UBE3C: variants seen among roughly 807,000 people sequenced by gnomAD.
The protein encoded by UBE3C is ubiquitin-protein ligase E3C.
Under a neutral mutation model 129.4 loss-of-function variants are expected in UBE3C, and 42 were observed. The observed-to-expected ratio is 0.32, with a 90% CI of 0.25 to 0.42. The LOEUF (loss-of-function observed/expected upper bound fraction) is 0.42. Ranked by LOEUF, UBE3C falls within the 10% of genes least tolerant of loss-of-function variation. The pLI, the probability that UBE3C is intolerant of heterozygous loss-of-function variation, is 1.00. For synonymous variants in UBE3C, 510 were observed against 492.4 expected (o/e 1.04, Z -0.47); for missense variants, 1,049 against 1,319.1 (o/e 0.80, Z 3.17).
chr7:157,209,328 A>G (rs1420083420), intron 13 of UBE3C, among the ~76,000 whole-genome samples: 1 of 152,230 alleles, frequency 6.6e-6, no homozygotes, highest in African/African-American at 2.4e-5. Context: ...ATACAGTCCT[A>G]ATGCATCGTT....
intron 1 of UBE3C, 121 bp downstream of exon 1, chr7:157,139,459 G>A: frequency 1.1e-6 from 1 of 935,536 alleles, no homozygotes; most frequent in Non-Finnish European, 1.4e-6. Flanking sequence ...TGGATTCGGG[G>A]CCTCCCTGGC....
rs1451819764 is a variant in UBE3C, at chr7:157,169,255, T to A, written c.195+133T>A. On this transcript the variant is annotated intron_variant, in intron 3 of 22. Transcript: ENST00000348165. ...CTTCCCAATAAATAATTTTATTTGT[T>A]CTAATTATTGTGAAGATTTATAGAT... is the stretch of plus-strand genomic sequence containing the variant. 6.4e-6 allele frequency: 4 copies of A among 623,972 alleles called. No homozygotes were observed. In the East Asian group the frequency reaches 1.2e-4, roughly 18 times the overall value. 38.7% of individuals were successfully genotyped at this position (623,972 alleles called of 1,614,324 possible). A position where few individuals can be genotyped will look rare whatever the true frequency, so the allele number is the denominator to read the frequency against.
rs768351982 is a variant in UBE3C at position 157,220,675 on chromosome 7, A to G, written c.1915-14A>G. 10 of 1,613,888 alleles carry G rather than the reference A, an allele frequency of 6.2e-6. No individual in the cohort carries two copies. The highest frequency in any genetic ancestry group is 3.3e-5 in the South Asian group (3 of 91,084). On this transcript the variant is annotated splice_polypyrimidine_tract_variant and intron_variant, in intron 14 of 22. Coordinates refer to ENST00000348165, the MANE Select transcript of UBE3C (RefSeq NM_014671.3). ...GAGCACAGGGGAGTTCTGAACCAGG[A>G]TTGCCCCCGACAGGTCACTCAGCTC... is the stretch of plus-strand genomic sequence containing the variant.
In UBE3C at chr7:157,139,346, C is replaced by T; in HGVS notation, c.66+8C>T. On this transcript the variant is annotated splice_region_variant and intron_variant, in intron 1 of 22. Coordinates refer to ENST00000348165, the MANE Select transcript of UBE3C (RefSeq NM_014671.3). Reference sequence around the variant, plus strand: ...GGCGGCGCGAGCAGGAAGGTGAGGGCCGGGCTGGCGGGGCGCCCTCGGCTC... The same window carrying T: ...GGCGGCGCGAGCAGGAAGGTGAGGGTCGGGCTGGCGGGGCGCCCTCGGCTC... The T allele has an allele frequency of 1.3e-6, 2 of 1,573,082 alleles. No homozygotes were observed. Among genetic ancestry groups the T allele is most frequent in the Non-Finnish European group, 8.6e-7 (1 of 1,168,308 alleles).
In UBE3C at chr7:157,231,081, G is replaced by A. The variant is rs1563066653; in HGVS notation, c.2235G>A (p.Glu745=). ...CACCCTCCCATTTTTTTTTAACAGA[G>A]CCTGATTTGAAAAAGCGGATCCGTG... The part of the protein sequence containing the change: ...DAYDKLSPEN[E]PDLKKRIRVH... Residue 745 remains glutamate, a splice_region_variant and synonymous_variant, in exon 18 of 23, where the codon GAG becomes GAA. Coordinates refer to ENST00000348165, the MANE Select transcript of UBE3C (RefSeq NM_014671.3). 1 of 1,608,746 alleles carries A rather than the reference G, an allele frequency of 6.2e-7. No individual in the cohort carries two copies. The highest frequency in any genetic ancestry group is 1.1e-5 in the South Asian group (1 of 90,074).
At chr7:157,180,057 A>T (rs1296477261) in intron 6 of UBE3C, among the ~76,000 whole-genome samples, 4 of 152,250 alleles carry the variant, frequency 2.6e-5, no homozygotes, top group Admixed American at 2.6e-4. Context: ...TTTAAGAAAT[A>T]TGCATTATTT....
intron 5 of UBE3C, 100 bp downstream of exon 5, chr7:157,175,134 A>AAAATTTTTTTTTT: frequency 2.2e-6 from 1 of 448,910 alleles, no homozygotes; most frequent in Admixed American, 7.3e-5. Context: ...TGGCTTTTCC[A>AAAATTTTTTTTTT]TACTTTTTTT....
intron 1 of UBE3C, among the ~76,000 whole-genome samples, chr7:157,148,617 T>A (rs1807670840): frequency 6.6e-6 from 1 of 152,162 alleles, no homozygotes; most frequent in Non-Finnish European, 1.5e-5. Context: ...AAAGCAGAGG[T>A]GTAATGGATG....
At chr7:157,163,388 C>CA (rs367764291) in intron 1 of UBE3C, among the ~76,000 whole-genome samples, 31,014 of 94,782 alleles carry the variant, frequency 0.33, 4,930 homozygotes, top group African/African-American at 0.5. Context: ...GACTCCATCT[C>CA]AAAAAAAAAA....
At position 157,232,905 on chromosome 7, in the gene UBE3C, C is replaced by T. The variant is rs576450470; in HGVS notation, c.2481+1578C>T. ...AACAGTTTTATTAAAATATAACTCA[C>T]ATTATGGAAAATTGAACCTTTTAAA... On this transcript the variant is annotated intron_variant, in intron 18 of 22. Transcript: ENST00000348165. 2.6e-5 allele frequency among the ~76,000 whole-genome samples: 4 copies of T among 152,272 alleles called. No homozygotes were observed. The East Asian group carries it at 7.7e-4, about 29-fold the overall frequency.
At chr7:157,149,287 C>T (rs1390830488) in intron 1 of UBE3C, among the ~76,000 whole-genome samples, 1 of 152,054 alleles carries the variant, frequency 6.6e-6, no homozygotes, top group African/African-American at 2.4e-5. Flanking sequence ...AATTCCTGAC[C>T]TCAGGTGATC....
chr7:157,152,222 G>A (rs543309352), intron 1 of UBE3C, among the ~76,000 whole-genome samples: 1 of 151,178 alleles, frequency 6.6e-6, no homozygotes, highest in Non-Finnish European at 1.5e-5. Flanking sequence ...GAGGAAGGTA[G>A]TCAGGGAGAG....
At chr7:157,163,716 TC>T in intron 1 of UBE3C, 93 bp from the exon 2 acceptor site, 1 of 1,347,268 alleles carries the variant, frequency 7.4e-7, no homozygotes. Flanking sequence ...ATCTTTAGGA[TC>T]TTTTTTTGGG....
chr7:157,159,016 G>A (rs901588526), intron 1 of UBE3C, among the ~76,000 whole-genome samples: 1 of 152,214 alleles, frequency 6.6e-6, no homozygotes, highest in African/African-American at 2.4e-5. Context: ...TATCAATAGA[G>A]TGTGAAATAA....
chr7:157,210,040 C>CG (rs1392630035), intron 13 of UBE3C, among the ~76,000 whole-genome samples: 2 of 152,214 alleles, frequency 1.3e-5, no homozygotes, highest in Middle Eastern at 3.4e-3. Context: ...ATTAGCTGGG[C>CG]GTGATGTACG....
intron 1 of UBE3C, among the ~76,000 whole-genome samples, chr7:157,153,722 C>T (rs1807822450): frequency 2.0e-5 from 3 of 152,082 alleles, no homozygotes; most frequent in South Asian, 4.2e-4. Flanking sequence ...TTAACTTTTC[C>T]TCCCGGCACT....
At chr7:157,179,452 C>CTGT (rs1808611837) in intron 6 of UBE3C, among the ~76,000 whole-genome samples, 2 of 152,000 alleles carry the variant, frequency 1.3e-5, no homozygotes, top group Admixed American at 6.6e-5. Context: ...GCATCTGAAA[C>CTGT]CCTTGAGGAC....
chr7:157,170,646 G>A (rs149485047), intron 4 of UBE3C, among the ~76,000 whole-genome samples, 196 bp downstream of exon 4: 24 of 152,258 alleles, frequency 1.6e-4, no homozygotes, highest in Admixed American at 4.6e-4. Flanking sequence ...ACATAAAAAT[G>A]TGTATCCAAA....
intron 22 of UBE3C, among the ~76,000 whole-genome samples, chr7:157,261,258 A>G (rs1213406905): frequency 6.8e-6 from 1 of 147,710 alleles, no homozygotes; most frequent in East Asian, 2.0e-4. Flanking sequence ...GTGAACCAAG[A>G]TTGCACCATT....
Sources: allele counts gnomAD v4.1 joint callset (sites outside exome capture counted in the v4.1 genomes callset), GRCh38; gene constraint gnomAD v4.1.1; transcripts MANE v1.5; gene names NCBI Gene and HGNC (gene_info 2026-07-23, HGNC 2026-07-21).